BCL11B: variants seen among roughly 807,000 people sequenced by gnomAD.
BCL11B encodes B-cell lymphoma/leukemia 11B.
BCL11B carries 8 observed loss-of-function variants against 49.9 expected under a neutral mutation model. That is an observed-to-expected ratio of 0.16 (90% CI 0.09 to 0.29). The LOEUF (loss-of-function observed/expected upper bound fraction) is 0.29, where lower values mean the gene tolerates loss of function less well. Among genes scored for constraint, BCL11B ranks in the 10% least tolerant of loss-of-function variants. The pLI, the probability that BCL11B is intolerant of heterozygous loss-of-function variation, is 1.00. For synonymous variants in BCL11B, 739 were observed against 637.4 expected, an observed-to-expected ratio of 1.16 and a Z score of -2.40; for missense variants, 1,006 against 1,351.0, an observed-to-expected ratio of 0.74 and a Z score of 4.00.
chr14:99,207,861 G>T (rs1335857365), intron 3 of BCL11B, among the ~76,000 whole-genome samples: 2 of 152,174 alleles, frequency 1.3e-5, no homozygotes, highest in Non-Finnish European at 2.9e-5. Flanking sequence ...TGAGGGACAG[G>T]GCTCTGGCAG....
At chr14:99,183,603 A>G (rs1886771580) in intron 3 of BCL11B, among the ~76,000 whole-genome samples, 1 of 152,082 alleles carries the variant, frequency 6.6e-6, no homozygotes. Context: ...AGGGAAAACA[A>G]TACCTGCCTT....
In BCL11B at chr14:99,205,656, T is replaced by C. The variant is rs761156189; in HGVS notation, c.640+25689A>G. 2.6e-5 allele frequency among the ~76,000 whole-genome samples: 4 copies of C among 151,904 alleles called. No homozygotes were observed. The highest frequency in any genetic ancestry group is 4.8e-5 in the African/African-American group (2 of 41,388). ...GCATCCGCCCCCCTACCCCCCAGCT[T>C]TGTGGAATGAGGTCAGGAATATGTA... On this transcript the variant is annotated intron_variant, in intron 3 of 3. Transcript: ENST00000357195. This position sits in a 1 kb window ranked among gnomAD's most constrained non-coding sequence, Gnocchi z 5.0.
At chr14:99,218,552 G>A (rs1340471274) in intron 3 of BCL11B, among the ~76,000 whole-genome samples, 3 of 152,190 alleles carry the variant, frequency 2.0e-5, no homozygotes, top group African/African-American at 7.2e-5. Flanking sequence ...GAGAAAAAAA[G>A]GAACATGTGT....
intron 3 of BCL11B, among the ~76,000 whole-genome samples, chr14:99,189,559 C>G (rs1886961422): frequency 6.6e-6 from 1 of 152,252 alleles, no homozygotes; most frequent in African/African-American, 2.4e-5. Flanking sequence ...TAACACGGCC[C>G]TCTCCAGACA....
Position 99,176,116 on chromosome 14 carries a change from C to T in BCL11B, c.720G>A (p.Ala240=). ...FNSAWFLLQH[A]QNTHGFRIYL... ...AGATGCGGAAGCCGTGCGTGTTCTG[C>T]GCGTGCTGCAGCAGGAACCACGCGC... The change falls in exon 4 of 4, where the codon GCG becomes GCA. Residue 240 remains alanine, a synonymous_variant. Transcript: ENST00000357195. 1.2e-6 allele frequency: 2 copies of T among 1,610,886 alleles called. No homozygotes were observed. Among genetic ancestry groups the T allele is most frequent in the Non-Finnish European group, 1.7e-6 (2 of 1,178,550 alleles).
At chr14:99,255,172 T>G (rs1889121060) in intron 2 of BCL11B, among the ~76,000 whole-genome samples, 1 of 152,116 alleles carries the variant, frequency 6.6e-6, no homozygotes, top group Admixed American at 6.5e-5. Flanking sequence ...GCTGTTAAAA[T>G]GGGATGGTCG....
chr14:99,217,656 A>C (rs1887892556), intron 3 of BCL11B, among the ~76,000 whole-genome samples: 1 of 152,128 alleles, frequency 6.6e-6, no homozygotes, highest in Admixed American at 6.5e-5. Context: ...TCTCAATGCT[A>C]CTGGCTTCCA....
chr14:99,205,882 A>G lies in BCL11B; in HGVS notation c.640+25463T>C, dbSNP rs1390291855. 1.3e-5 allele frequency among the ~76,000 whole-genome samples: 2 copies of G among 152,192 alleles called. No individual in the cohort carries two copies. Among genetic ancestry groups the G allele is most frequent in the Non-Finnish European group, 2.9e-5 (2 of 68,026 alleles). The stretch of plus-strand genomic sequence containing the variant: ...TTCCAGCAAAGATCTCTCATTGCAG[A>G]ATCAAGTTGTTGAAGGAAGGTTAGC... On this transcript the variant is annotated intron_variant, in intron 3 of 3. Coordinates refer to ENST00000357195, the MANE Select transcript of BCL11B (RefSeq NM_138576.4). This position sits in a 1 kb window ranked among gnomAD's most constrained non-coding sequence, Gnocchi z 5.0.
chr14:99,176,335 G>C, intron 3 of BCL11B, 140 bp from the exon 4 acceptor site: 1 of 799,344 alleles, frequency 1.3e-6, no homozygotes. Flanking sequence ...GGGCTGCAGG[G>C]CCGCTTGCAA....
intron 3 of BCL11B, among the ~76,000 whole-genome samples, chr14:99,207,653 T>G (rs1253712729): frequency 1.3e-5 from 2 of 152,206 alleles, no homozygotes; most frequent in Non-Finnish European, 1.5e-5. Context: ...ACATGACTTA[T>G]CAGCCGGCCC....
chr14:99,249,709 C>T (rs1320641159), intron 2 of BCL11B, among the ~76,000 whole-genome samples: 1 of 152,198 alleles, frequency 6.6e-6, no homozygotes, highest in African/African-American at 2.4e-5. Context: ...CTTCAGTTTC[C>T]TCTTCTATAA....
At chr14:99,206,499 C>T (rs1229713579) in intron 3 of BCL11B, among the ~76,000 whole-genome samples, 1 of 152,336 alleles carries the variant, frequency 6.6e-6, no homozygotes, top group African/African-American at 2.4e-5. Context: ...CCTGCTCTGT[C>T]CTGCCCAAGA....
chr14:99,261,709 C>T (rs1219673648), intron 1 of BCL11B, among the ~76,000 whole-genome samples: 1 of 152,150 alleles, frequency 6.6e-6, no homozygotes, highest in African/African-American at 2.4e-5. Context: ...AATATTGCTG[C>T]TCTCAATATA....
In BCL11B at chr14:99,175,540, G is replaced by T; in HGVS notation, c.1296C>A (p.Cys432Ter). The T allele has an allele frequency of 6.2e-7, 1 of 1,604,356 alleles. No individual in the cohort carries two copies. ...TGCTCTGGAACTTGAAGGTCTTGCC[G>T]CAGAACTCGCACGACTTGCTCTTGG... ...PPAKSKSCEF[C>*]GKTFKFQSNL... The change falls in exon 4 of 4, where the codon TGC becomes TGA. Residue 432 changes from cysteine to a stop codon, truncating the protein, a stop_gained. Transcript: ENST00000357195. LOFTEE classifies it high-confidence loss of function.
chr14:99,221,854 G>T (rs913620315), intron 3 of BCL11B, among the ~76,000 whole-genome samples: 1 of 152,206 alleles, frequency 6.6e-6, no homozygotes, highest in East Asian at 1.9e-4. Context: ...ACCCTGTCAC[G>T]CCCATTTCTG....
At chr14:99,196,244 T>C (rs1246896002) in intron 3 of BCL11B, among the ~76,000 whole-genome samples, 1 of 152,140 alleles carries the variant, frequency 6.6e-6, no homozygotes. Context: ...ACATGACAGA[T>C]GATCTTGTAA....
chr14:99,264,849 G>A (rs563310057), intron 1 of BCL11B: 7 of 152,234 alleles, frequency 4.6e-5, no homozygotes, highest in South Asian at 2.1e-4. Context: ...GCCTGCTCTC[G>A]GCACTTTTTA....
intron 2 of BCL11B, among the ~76,000 whole-genome samples, chr14:99,238,904 C>T (rs905077193): frequency 6.6e-6 from 1 of 152,180 alleles, no homozygotes; most frequent in Non-Finnish European, 1.5e-5. Context: ...CTGAGGACAA[C>T]AGAAGGTGAA....
At chr14:99,206,430 C>A (rs1453183669) in intron 3 of BCL11B, among the ~76,000 whole-genome samples, 1 of 152,148 alleles carries the variant, frequency 6.6e-6, no homozygotes, top group African/African-American at 2.4e-5. Flanking sequence ...CAGAAATAAA[C>A]AATTCATCAG....
Sources: gnomAD v4.1 joint callset for allele counts (sites outside exome capture counted in the v4.1 genomes callset) on GRCh38, gnomAD v4.1.1 for gene constraint, Gnocchi (gnomAD v3.1) non-coding constraint, MANE v1.5 for transcripts, NCBI Gene and HGNC (gene_info 2026-07-23, HGNC 2026-07-21) for gene names.